The following PALLD variants were observed in gnomAD, a reference collection of about 807,000 sequenced individuals.
PALLD encodes palladin, cytoskeletal associated protein, also known as palladin.
Under a neutral mutation model 123.5 loss-of-function variants are expected in PALLD, and 61 were observed. That is an observed-to-expected ratio of 0.49 (90% CI 0.40 to 0.61). PALLD has a LOEUF of 0.61. Among genes scored for constraint, PALLD ranks in the 20% least tolerant of loss-of-function variants. The pLI, the probability that PALLD is intolerant of heterozygous loss-of-function variation, is 0.00. For synonymous variants in PALLD, 465 were observed against 496.4 expected (o/e 0.94, Z 0.84); for missense variants, 1,273 against 1,377.0 (o/e 0.92, Z 1.20).
In PALLD at chr4:168,869,163, T is replaced by C. The variant is rs1399899063; in HGVS notation, c.1965-21759T>C. The stretch of plus-strand genomic sequence containing the variant: ...TTACTTATAAGAGCTCTGATACATA[T>C]ATATCTCCTTTATTAGAAGATGCGT... On this transcript the variant is annotated intron_variant, in intron 10 of 21. Transcript: ENST00000505667. The surrounding 1 kb of genome is among the most constrained non-coding windows in gnomAD (Gnocchi z 4.5). Among the ~76,000 whole-genome samples the C allele has an allele frequency of 6.6e-6, 1 of 152,160 alleles. No individual in the cohort carries two copies. The highest frequency in any genetic ancestry group is 1.5e-5 in the Non-Finnish European group (1 of 68,032).
At chr4:168,834,218 T>C (rs753778711) in intron 10 of PALLD, among the ~76,000 whole-genome samples, 4 of 151,950 alleles carry the variant, frequency 2.6e-5, no homozygotes, top group Non-Finnish European at 5.9e-5. Context: ...CAGCTTTATT[T>C]TTATTGTGAT....
Position 168,905,138 on chromosome 4 carries a change from GT to G in PALLD, c.2622+1262del, listed in dbSNP as rs777740588. The stretch of plus-strand genomic sequence containing the variant: ...TGAGACTTTGTTTTTTGTTTTGTTG[GT>G]TTTTTTTTTTTTTTTTTTTTTTTTT... On this transcript the variant is annotated intron_variant, in intron 15 of 21. Transcript: ENST00000505667. Among the ~76,000 whole-genome samples, 176 of 34,524 alleles carry G rather than the reference GT, an allele frequency of 5.1e-3. 41 individuals carry two copies. The highest frequency in any genetic ancestry group is 0.011 in the African/African-American group (149 of 13,022). 22.6% of individuals were successfully genotyped at this position (34,524 alleles called of 152,430 possible). A position where few individuals can be genotyped will look rare whatever the true frequency, so the allele number is the denominator to read the frequency against.
At chr4:168,811,030 T>G (rs375216931) in intron 10 of PALLD, among the ~76,000 whole-genome samples, 1 of 151,942 alleles carries the variant, frequency 6.6e-6, no homozygotes, top group Non-Finnish European at 1.5e-5. Context: ...CTGACGGAGA[T>G]CTCCTAGATA....
chr4:168,709,001 G>T, intron 8 of PALLD, 27 bp from the exon 9 acceptor site: 1 of 1,611,462 alleles, frequency 6.2e-7, no homozygotes, highest in South Asian at 1.1e-5. Context: ...CAACTCTGAT[G>T]AATGATTCTG....
intron 1 of PALLD, among the ~76,000 whole-genome samples, chr4:168,508,211 C>G (rs772549476): frequency 6.6e-6 from 1 of 152,074 alleles, no homozygotes; most frequent in South Asian, 2.1e-4. Flanking sequence ...GATCTGATCA[C>G]TATAAATTGT....
At chr4:168,714,810 T>C (rs982409659) in intron 10 of PALLD, among the ~76,000 whole-genome samples, 2 of 151,414 alleles carry the variant, frequency 1.3e-5, no homozygotes, top group East Asian at 1.9e-4. Context: ...AATCTGAAAA[T>C]GGTGTCTGAT....
At chr4:168,709,783 T>G (rs1322811843) in intron 9 of PALLD, among the ~76,000 whole-genome samples, 1 of 151,710 alleles carries the variant, frequency 6.6e-6, no homozygotes, top group Non-Finnish European at 1.5e-5. Context: ...AGGAGTGAAG[T>G]GGAGATGACA....
At chr4:168,537,738 T>C (rs1292011074) in intron 2 of PALLD, 3 of 152,228 alleles carry the variant, frequency 2.0e-5, no homozygotes, top group South Asian at 2.1e-4. Flanking sequence ...AGAAGTTTCT[T>C]TTCTGCATGA....
chr4:168,634,071 T>G (rs1776101410), intron 2 of PALLD, among the ~76,000 whole-genome samples: 2 of 152,196 alleles, frequency 1.3e-5, no homozygotes, highest in Admixed American at 1.3e-4. Context: ...ACAAGCTCGG[T>G]GTCTCTTAAA....
chr4:168,803,428 A>C (rs992657526), intron 10 of PALLD, among the ~76,000 whole-genome samples: 2 of 152,194 alleles, frequency 1.3e-5, no homozygotes, highest in African/African-American at 4.8e-5. Context: ...AAAAAATTTT[A>C]AAAAGAAAAT....
chr4:168,880,133 G>A (rs1752409352), intron 10 of PALLD, among the ~76,000 whole-genome samples: 1 of 152,198 alleles, frequency 6.6e-6, no homozygotes. Context: ...AGAAACAGCA[G>A]TTTGTGCTGA....
chr4:168,919,450 G>A (rs980739783), intron 17 of PALLD, among the ~76,000 whole-genome samples: 6 of 151,814 alleles, frequency 4.0e-5, no homozygotes, highest in African/African-American at 1.5e-4. Flanking sequence ...GCTTGAACCC[G>A]GGAGGCGGAG....
chr4:168,520,345 A>AGAGAGAGAGAG lies in PALLD; in HGVS notation c.908+7933_908+7934insGAGAGAGAGAG, dbSNP rs1554034674. On this transcript the variant is annotated intron_variant, in intron 2 of 21. Transcript: ENST00000505667. ...CCGTCACCAAAAAAAAAAAAAAAAA[A>AGAGAGAGAGAG]AAAGAGAGAGAGAGAATGGCACCTT... Among the ~76,000 whole-genome samples, 100 of 41,782 alleles carry AGAGAGAGAGAG rather than the reference A, an allele frequency of 2.4e-3. 1 individual carries two copies. The highest frequency in any genetic ancestry group is 0.013 in the African/African-American group (96 of 7,672). 27.4% of individuals were successfully genotyped at this position (41,782 alleles called of 152,430 possible).
At chr4:168,499,273 T>TGGGAGGGAGGAA (rs1167722625) in intron 1 of PALLD, among the ~76,000 whole-genome samples, 8 of 21,420 alleles carry the variant, frequency 3.7e-4, no homozygotes, top group African/African-American at 7.5e-4. Flanking sequence ...GGAGGGAGGA[T>TGGGAGGGAGGAA]GGGAGGGAGG....
intron 10 of PALLD, among the ~76,000 whole-genome samples, chr4:168,744,677 ATTCAACTTATGAAGT>A (rs1326391119): frequency 2.6e-5 from 4 of 152,224 alleles, no homozygotes; most frequent in African/African-American, 9.7e-5. Flanking sequence ...ATTTACAATG[ATTCAACTTATGAAGT>A]TTCAACTTTA....
At chr4:168,539,682 A>G (rs1314344630) in intron 2 of PALLD, among the ~76,000 whole-genome samples, 2 of 152,136 alleles carry the variant, frequency 1.3e-5, no homozygotes, top group Non-Finnish European at 2.9e-5. Flanking sequence ...TTAATTTATG[A>G]AAATGCAACA....
At chr4:168,551,577 A>G (rs1580270652) in intron 2 of PALLD, among the ~76,000 whole-genome samples, 1 of 152,228 alleles carries the variant, frequency 6.6e-6, no homozygotes, top group Non-Finnish European at 1.5e-5. Context: ...AATGTGGATA[A>G]AAACAAACCT....
At chr4:168,533,875 A>C (rs755853868) in intron 2 of PALLD, among the ~76,000 whole-genome samples, 1 of 152,238 alleles carries the variant, frequency 6.6e-6, no homozygotes, top group Non-Finnish European at 1.5e-5. Context: ...TTCTCCAAAA[A>C]GGAGAAGGAT....
chr4:168,708,887 T>G lies in PALLD; in HGVS notation c.1502-141T>G, dbSNP rs1581081185. On this transcript the variant is annotated intron_variant, in intron 8 of 21. Coordinates refer to ENST00000505667, the MANE Select transcript of PALLD (RefSeq NM_001166108.2). ...ATTGCTAAATTAAATGTAAAGAGAT[T>G]CTATTGTAAACACTTTTGTAAAGTG... is the stretch of plus-strand genomic sequence containing the variant. 3.8e-6 allele frequency: 3 copies of G among 789,712 alleles called. No homozygotes were observed. The East Asian group carries it at 7.4e-5, about 20-fold the overall frequency. 48.9% of individuals were successfully genotyped at this position (789,712 alleles called of 1,614,324 possible).
Sources: allele counts gnomAD v4.1 joint callset (sites outside exome capture counted in the v4.1 genomes callset), GRCh38; gene constraint gnomAD v4.1.1; non-coding constraint Gnocchi (gnomAD v3.1); transcripts MANE v1.5; gene names NCBI Gene and HGNC (gene_info 2026-07-23, HGNC 2026-07-21).